The following EYS variants were observed in gnomAD, a reference collection of about 807,000 sequenced individuals.
The protein encoded by EYS is protein eyes shut homolog.
A neutral mutation model predicts 282.1 loss-of-function variants in EYS; 250 were observed. The ratio of observed to expected loss-of-function variants is 0.89; its 90% confidence interval spans 0.80 to 0.98. The LOEUF is 0.98. EYS is among the 50% of genes least tolerant of loss of function. The pLI, the probability that EYS is intolerant of heterozygous loss-of-function variation, is 0.00. For missense variants in EYS, 4,016 were observed against 3,709.0 expected (o/e 1.08, Z -2.15); for synonymous variants, 1,355 against 1,282.9 (o/e 1.06, Z -1.20).
intron 2 of EYS, among the ~76,000 whole-genome samples, chr6:65,548,350 A>G (rs1445033099): frequency 1.3e-5 from 2 of 152,220 alleles, no homozygotes; most frequent in East Asian, 3.8e-4. Context: ...GTTATCAATT[A>G]TGGCAACTTC....
rs756824573 is a variant in EYS, at chr6:65,461,773, T to TAAACAATAAAA, written c.862+28820_862+28821insTTTTATTGTTT. ...ACAATTATTAGAATAACTAAAACAA[T>TAAACAATAAAA]AGAACAGTAAAACAACCATTATTAA... On this transcript the variant is annotated intron_variant, in intron 5 of 42. Coordinates refer to ENST00000503581, the MANE Select transcript of EYS (RefSeq NM_001142800.2). Among the ~76,000 whole-genome samples, 663 of 152,116 alleles carry TAAACAATAAAA rather than the reference T, an allele frequency of 4.4e-3. 5 individuals carry two copies. Among genetic ancestry groups the TAAACAATAAAA allele is most frequent in the Middle Eastern group, 0.01 (3 of 294 alleles).
At chr6:64,019,038 G>T (rs1769045846) in intron 33 of EYS, among the ~76,000 whole-genome samples, 1 of 152,118 alleles carries the variant, frequency 6.6e-6, no homozygotes, top group Non-Finnish European at 1.5e-5. Context: ...GCCTCCCAAA[G>T]TGCTGGGATT....
Position 65,624,141 on chromosome 6 carries a change from T to C in EYS, c.-333+15637A>G, listed in dbSNP as rs149753028. Reference sequence around the variant, plus strand: ...TTTTCTAAAATAATGATATTAGGCATAGAAGAGACACACTTAGTGGCTATA... The same window carrying C: ...TTTTCTAAAATAATGATATTAGGCACAGAAGAGACACACTTAGTGGCTATA... On this transcript the variant is annotated intron_variant, in intron 2 of 42. Transcript: ENST00000503581. Among the ~76,000 whole-genome samples the C allele has an allele frequency of 6.7e-3, 1,027 of 152,310 alleles. 4 individuals are homozygous for C. The highest frequency in any genetic ancestry group is 0.011 in the Non-Finnish European group (735 of 68,032).
intron 5 of EYS, among the ~76,000 whole-genome samples, chr6:65,407,284 C>A (rs908185811): frequency 2.1e-4 from 32 of 151,840 alleles, no homozygotes; most frequent in Middle Eastern, 6.8e-3. Flanking sequence ...CAGTCATAGT[C>A]TCGCTGTGTT....
At chr6:65,291,048 A>C (rs888483032) in intron 12 of EYS, among the ~76,000 whole-genome samples, 1 of 151,530 alleles carries the variant, frequency 6.6e-6, no homozygotes, top group Non-Finnish European at 1.5e-5. Flanking sequence ...TAAAAAGAAA[A>C]TAAAAACTAC....
chr6:63,726,270 A>C (rs1392201970), intron 42 of EYS, among the ~76,000 whole-genome samples: 1 of 152,030 alleles, frequency 6.6e-6, no homozygotes, highest in Admixed American at 6.6e-5. Flanking sequence ...GTCTTTTTTG[A>C]TGGTATTGTT....
intron 31 of EYS, among the ~76,000 whole-genome samples, chr6:64,123,153 T>A (rs1331593985): frequency 6.6e-6 from 1 of 152,180 alleles, no homozygotes; most frequent in Non-Finnish European, 1.5e-5. Context: ...TTGCCAAGAT[T>A]TTTGTTTGTT....
chr6:63,738,993 T>C (rs1195595983), intron 41 of EYS, among the ~76,000 whole-genome samples: 1 of 152,178 alleles, frequency 6.6e-6, no homozygotes, highest in Non-Finnish European at 1.5e-5. Context: ...GGAATTCCAC[T>C]AATAAATAAA....
At chr6:64,656,313 G>C (rs573527703) in intron 22 of EYS, among the ~76,000 whole-genome samples, 1 of 152,106 alleles carries the variant, frequency 6.6e-6, no homozygotes, top group Non-Finnish European at 1.5e-5. Flanking sequence ...TTGAGAGTGA[G>C]TTAGGGGAGC....
At position 63,870,839 on chromosome 6, in the gene EYS, G is replaced by A. The variant is rs1562069930; in HGVS notation, c.7056-6481C>T. 2.6e-5 allele frequency among the ~76,000 whole-genome samples: 4 copies of A among 152,226 alleles called. No individual in the cohort carries two copies. The East Asian group carries it at 7.7e-4, about 29-fold the overall frequency. ...TGGTATATTTAGATTATAATCTGAA[G>A]CCTAGAGATGAAGTTAGGTGCACAG... is the stretch of plus-strand genomic sequence containing the variant. On this transcript the variant is annotated intron_variant, in intron 35 of 42. Coordinates refer to ENST00000503581, the MANE Select transcript of EYS (RefSeq NM_001142800.2).
intron 7 of EYS, among the ~76,000 whole-genome samples, chr6:65,402,039 T>C (rs1034986506): frequency 1.3e-5 from 2 of 152,030 alleles, no homozygotes; most frequent in Middle Eastern, 3.4e-3. Context: ...CCTAAAAGTC[T>C]GCCTAAAGAC....
intron 24 of EYS, among the ~76,000 whole-genome samples, chr6:64,601,272 T>C (rs1231243959): frequency 6.6e-6 from 1 of 152,050 alleles, no homozygotes; most frequent in East Asian, 1.9e-4. Context: ...ACTTCACACT[T>C]CTCTGAAATA....
At chr6:64,355,658 A>C (rs1367600991) in intron 29 of EYS, among the ~76,000 whole-genome samples, 1 of 151,784 alleles carries the variant, frequency 6.6e-6, no homozygotes, top group Non-Finnish European at 1.5e-5. Flanking sequence ...GGAGATGCTA[A>C]CTTATTGTTT....
chr6:65,608,692 C>T (rs10447346), intron 2 of EYS, among the ~76,000 whole-genome samples: 54,243 of 151,848 alleles, frequency 0.36, 12,098 homozygotes, highest in Non-Finnish European at 0.49. Flanking sequence ...CTTTATATCC[C>T]TATTATAGAA....
chr6:64,984,145 A>G (rs752439032), intron 14 of EYS, among the ~76,000 whole-genome samples: 42 of 151,410 alleles, frequency 2.8e-4, no homozygotes, highest in Non-Finnish European at 7.4e-5. Context: ...AACATTGTAG[A>G]CCAACTAATG....
chr6:65,361,382 A>G (rs1764700674), intron 8 of EYS, among the ~76,000 whole-genome samples: 1 of 152,040 alleles, frequency 6.6e-6, no homozygotes, highest in Admixed American at 6.6e-5. Flanking sequence ...AGAAATACTC[A>G]TATATGGATA....
rs181753067 is a variant in EYS at position 65,587,285 on chromosome 6, G to T, written c.-333+52493C>A. On this transcript the variant is annotated intron_variant, in intron 2 of 42. Coordinates refer to ENST00000503581, the MANE Select transcript of EYS (RefSeq NM_001142800.2). The stretch of plus-strand genomic sequence containing the variant: ...AGCTTTTAATGTGATGGTGTTAAAA[G>T]GTGATATGGTTCAGTTGTGTCCCCA... Among the ~76,000 whole-genome samples the T allele has an allele frequency of 9.2e-4, 140 of 152,140 alleles. 1 individual carries two copies. The highest frequency in any genetic ancestry group is 3.4e-3 in the Middle Eastern group (1 of 294).
At chr6:64,884,296 C>T (rs1313211591) in intron 19 of EYS, among the ~76,000 whole-genome samples, 1 of 151,512 alleles carries the variant, frequency 6.6e-6, no homozygotes, top group Non-Finnish European at 1.5e-5. Flanking sequence ...CTCTCTATCA[C>T]TAATACCATT....
chr6:64,802,037 T>G (rs1764256366), intron 22 of EYS, among the ~76,000 whole-genome samples: 2 of 128,744 alleles, frequency 1.6e-5, no homozygotes, highest in African/African-American at 5.9e-5. Flanking sequence ...TTTTTTCTTT[T>G]TTTTTTTTTT....
Sources: gnomAD v4.1 joint callset for allele counts (sites outside exome capture counted in the v4.1 genomes callset) on GRCh38, gnomAD v4.1.1 for gene constraint, MANE v1.5 for transcripts, NCBI Gene and HGNC (gene_info 2026-07-23, HGNC 2026-07-21) for gene names.